STARD3NL: variants seen among roughly 807,000 people sequenced by gnomAD.
The protein encoded by STARD3NL is STARD3 N-terminal like.
A neutral mutation model predicts 30.9 loss-of-function variants in STARD3NL; 17 were observed. The observed-to-expected ratio is 0.55, with a 90% confidence interval of 0.38 to 0.82. The LOEUF (loss-of-function observed/expected upper bound fraction) is 0.82. Ranked by LOEUF, STARD3NL falls within the 40% of genes least tolerant of loss-of-function variation. The pLI is 0.00. For missense variants in STARD3NL, 234 were observed against 277.6 expected (o/e 0.84, Z 1.12); for synonymous variants, 112 against 100.5 (o/e 1.11, Z -0.69).
chr7:38,207,711 G>A lies in STARD3NL; in HGVS notation c.207G>A (p.Leu69=), dbSNP rs1785571873. 1 of 1,613,960 alleles carries A rather than the reference G, an allele frequency of 6.2e-7. No individual in the cohort carries two copies. The highest frequency in any genetic ancestry group is 1.1e-5 in the South Asian group (1 of 91,070). ...VTFDLLFVTL[L]WIIELNVNGG... ...TTGACCTCTTATTCGTAACATTACT[G>A]TGGATAATAGAGTTAAATGTAAGTT... The change falls in exon 2 of 9, where the codon CTG becomes CTA. Residue 69 remains leucine, a synonymous_variant. Transcript: ENST00000009041.
intron 1 of STARD3NL, among the ~76,000 whole-genome samples, chr7:38,187,498 C>T (rs1007098194): frequency 6.6e-6 from 1 of 152,046 alleles, no homozygotes; most frequent in African/African-American, 2.4e-5. Context: ...CCTTTGAATC[C>T]TTTTAAATGC....
intron 1 of STARD3NL, among the ~76,000 whole-genome samples, chr7:38,203,996 A>T (rs1416913810): frequency 3.3e-5 from 5 of 152,190 alleles, no homozygotes; most frequent in Non-Finnish European, 5.9e-5. Context: ...AAGTCCTTAG[A>T]GACCTACAAA....
intron 6 of STARD3NL, 48 bp downstream of exon 6, chr7:38,217,353 C>G: frequency 2.6e-6 from 4 of 1,568,236 alleles, no homozygotes; most frequent in Non-Finnish European, 3.5e-6. Context: ...GGATACCAAG[C>G]TGGGAGGAAG....
intron 7 of STARD3NL, among the ~76,000 whole-genome samples, chr7:38,228,056 A>C (rs1583837654): frequency 6.6e-6 from 1 of 152,152 alleles, no homozygotes; most frequent in East Asian, 1.9e-4. Context: ...TGGCATTTAA[A>C]GTTTTATTTG....
At chr7:38,185,389 A>T (rs1489379625) in intron 1 of STARD3NL, among the ~76,000 whole-genome samples, 2 of 152,218 alleles carry the variant, frequency 1.3e-5, no homozygotes, top group African/African-American at 4.8e-5. Context: ...ATCACATCAT[A>T]GGAGATAACA....
At chr7:38,218,885 A>T (rs62443339) in intron 6 of STARD3NL, among the ~76,000 whole-genome samples, 1 of 151,994 alleles carries the variant, frequency 6.6e-6, no homozygotes, top group Admixed American at 6.6e-5. Flanking sequence ...TTCTTTATAT[A>T]TTTATAAAAG....
At chr7:38,208,973 A>T (rs1185339926) in intron 2 of STARD3NL, among the ~76,000 whole-genome samples, 1 of 152,198 alleles carries the variant, frequency 6.6e-6, no homozygotes, top group Non-Finnish European at 1.5e-5. Context: ...AGAGGAACTA[A>T]ACTCGTTATG....
intron 1 of STARD3NL, among the ~76,000 whole-genome samples, chr7:38,202,717 T>A (rs1583798267): frequency 1.0e-5 from 1 of 99,960 alleles, no homozygotes. Context: ...ATGCTATCCC[T>A]CCCCCCTCCC....
intron 1 of STARD3NL, among the ~76,000 whole-genome samples, chr7:38,200,294 A>G (rs150454526): frequency 2.0e-3 from 309 of 152,220 alleles, no homozygotes; most frequent in African/African-American, 6.9e-3. Flanking sequence ...CTGGAAATGT[A>G]TCACCTGGCT....
At chr7:38,203,764 A>T (rs1785300288) in intron 1 of STARD3NL, among the ~76,000 whole-genome samples, 1 of 152,220 alleles carries the variant, frequency 6.6e-6, no homozygotes, top group Admixed American at 6.5e-5. Flanking sequence ...CATAGGCTCA[A>T]AATAAAGGGA....
chr7:38,215,850 G>C (rs1220833680), intron 4 of STARD3NL: 1 of 152,316 alleles, frequency 6.6e-6, no homozygotes, highest in African/African-American at 2.4e-5. Flanking sequence ...GCCCAGGCCT[G>C]GGTTTCTCCA....
rs372134621 is a variant in STARD3NL, at chr7:38,228,845, A to G, written c.696A>G (p.Leu232=). 3.7e-6 allele frequency: 6 copies of G among 1,612,456 alleles called. No individual in the cohort carries two copies. The highest frequency in any genetic ancestry group is 5.1e-6 in the Non-Finnish European group (6 of 1,179,102). Reference sequence around the variant, plus strand: ...AACAGGACAGTGAGAAACCACTTTTAGAACTATGAGTACTACTTTTGTTAA... The same window carrying G: ...AACAGGACAGTGAGAAACCACTTTTGGAACTATGAGTACTACTTTTGTTAA... ...EEKQDSEKPL[L]EL is the part of the protein sequence containing the mutation. The change falls in exon 8 of 9, where the codon TTA becomes TTG. Residue 232 remains leucine (L), a synonymous_variant. Coordinates refer to ENST00000009041, the MANE Select transcript of STARD3NL (RefSeq NM_032016.4).
At chr7:38,180,238 G>A (rs925092990) in intron 1 of STARD3NL, among the ~76,000 whole-genome samples, 13 of 152,194 alleles carry the variant, frequency 8.5e-5, no homozygotes, top group Non-Finnish European at 1.6e-4. Flanking sequence ...AAAAGATCTT[G>A]TTTCCTTCAG....
chr7:38,211,479 AG>A (rs1785800562), intron 2 of STARD3NL, among the ~76,000 whole-genome samples: 1 of 152,136 alleles, frequency 6.6e-6, no homozygotes, highest in Non-Finnish European at 1.5e-5. Context: ...TTGTATTTGG[AG>A]GGAACAGGGA....
intron 1 of STARD3NL, among the ~76,000 whole-genome samples, chr7:38,200,395 T>C (rs1456130308): frequency 6.6e-6 from 1 of 152,208 alleles, no homozygotes; most frequent in Non-Finnish European, 1.5e-5. Context: ...TGTTCCACTA[T>C]TTTTAATTCT....
At chr7:38,223,563 G>C (rs946278152) in intron 7 of STARD3NL, among the ~76,000 whole-genome samples, 6 of 152,122 alleles carry the variant, frequency 3.9e-5, no homozygotes, top group African/African-American at 1.4e-4. Flanking sequence ...CACCTCCCCA[G>C]AGTAGCCATG....
chr7:38,214,811 T>C (rs1786007582), intron 3 of STARD3NL, among the ~76,000 whole-genome samples: 1 of 152,156 alleles, frequency 6.6e-6, no homozygotes, highest in Non-Finnish European at 1.5e-5. Context: ...TCTTGCCTTG[T>C]TTTTTCTTTC....
chr7:38,202,705 T>C (rs1785242514), intron 1 of STARD3NL, among the ~76,000 whole-genome samples: 1 of 147,608 alleles, frequency 6.8e-6, no homozygotes. Flanking sequence ...GTATATCTCC[T>C]AATGCTATCC....
intron 2 of STARD3NL, among the ~76,000 whole-genome samples, chr7:38,212,319 A>G (rs1447944829): frequency 2.0e-5 from 3 of 152,310 alleles, no homozygotes; most frequent in Admixed American, 6.5e-5. Flanking sequence ...GCTCCTTTCT[A>G]TCTTGGGACC....
Sources: allele counts gnomAD v4.1 joint callset (sites outside exome capture counted in the v4.1 genomes callset), GRCh38; gene constraint gnomAD v4.1.1; transcripts MANE v1.5; gene names NCBI Gene and HGNC (gene_info 2026-07-23, HGNC 2026-07-21).